Variants in STRBP observed in about 807,000 individuals in gnomAD.
STRBP encodes the protein spermatid perinuclear RNA binding protein, also known as spermatid perinuclear RNA-binding protein.
Under a neutral mutation model 80.1 loss-of-function variants are expected in STRBP, and 13 were observed. The observed-to-expected ratio is 0.16, with a 90% CI of 0.11 to 0.26. The LOEUF (loss-of-function observed/expected upper bound fraction) is 0.26, where lower values mean the gene tolerates loss of function less well. Among genes scored for constraint, STRBP ranks in the 10% least tolerant of loss-of-function variants. The pLI, the probability that STRBP is intolerant of heterozygous loss-of-function variation, is 1.00. For synonymous variants in STRBP, 284 were observed against 291.2 expected, an observed-to-expected ratio of 0.98 and a Z score of 0.25; for missense variants, 485 against 815.2, an observed-to-expected ratio of 0.59 and a Z score of 4.93.
At chr9:123,257,001 T>A (rs951564469) in intron 1 of STRBP, among the ~76,000 whole-genome samples, 1 of 152,040 alleles carries the variant, frequency 6.6e-6, no homozygotes, top group South Asian at 2.1e-4. Flanking sequence ...CACGTAACAT[T>A]GTCAAACTCA....
At chr9:123,231,062 T>C (rs774464234) in intron 2 of STRBP, among the ~76,000 whole-genome samples, 4 of 152,188 alleles carry the variant, frequency 2.6e-5, no homozygotes, top group Non-Finnish European at 4.4e-5. Flanking sequence ...TATAAGAAAA[T>C]GCACAGGGAG....
intron 1 of STRBP, among the ~76,000 whole-genome samples, chr9:123,250,974 T>G (rs1016713324): frequency 2.6e-5 from 4 of 152,074 alleles, no homozygotes; most frequent in Admixed American, 2.0e-4. Context: ...ACAAAAAATT[T>G]TTTTTTAATT....
In STRBP at chr9:123,126,326, G is replaced by A. The variant is rs1256722795; in HGVS notation, c.1943-653C>T. Among the ~76,000 whole-genome samples, 1 of 152,156 alleles carries A rather than the reference G, an allele frequency of 6.6e-6. No homozygotes were observed. The highest frequency in any genetic ancestry group is 1.5e-5 in the Non-Finnish European group (1 of 68,028). ...TTCAAGAGCACCAGATGATCAGAGG[G>A]AAATTACCCCACATGCAACAGCTTT... On this transcript the variant is annotated intron_variant, in intron 18 of 18. Transcript: ENST00000348403. The surrounding 1 kb of genome is among the most constrained non-coding windows in gnomAD (Gnocchi z 4.4).
At chr9:123,185,468 A>C (rs2038658792) in intron 2 of STRBP, among the ~76,000 whole-genome samples, 1 of 152,200 alleles carries the variant, frequency 6.6e-6, no homozygotes, top group African/African-American at 2.4e-5. Flanking sequence ...TATTACTCAT[A>C]TCGCATTAAG....
At chr9:123,155,805 A>C (rs2037258453) in intron 11 of STRBP, among the ~76,000 whole-genome samples, 1 of 152,204 alleles carries the variant, frequency 6.6e-6, no homozygotes, top group Admixed American at 6.5e-5. Context: ...CTGAGACATT[A>C]GTGTTGAAAA....
chr9:123,238,063 G>A (rs1408111468), intron 1 of STRBP, among the ~76,000 whole-genome samples: 2 of 152,236 alleles, frequency 1.3e-5, no homozygotes, highest in Non-Finnish European at 2.9e-5. Flanking sequence ...CTTAATTGTT[G>A]TGATGTTTAA....
At chr9:123,158,246 A>G in intron 10 of STRBP, 86 bp downstream of exon 10, 1 of 1,528,362 alleles carries the variant, frequency 6.5e-7, no homozygotes, top group Non-Finnish European at 9.0e-7. Flanking sequence ...CTAACAACAC[A>G]CAAGAAAAAA....
intron 1 of STRBP, among the ~76,000 whole-genome samples, chr9:123,253,755 A>G (rs928999443): frequency 2.6e-5 from 4 of 152,252 alleles, no homozygotes; most frequent in South Asian, 2.1e-4. Flanking sequence ...ATTAAATAGC[A>G]TAAGAAGGAT....
At chr9:123,140,626 C>CA (rs544721015) in intron 13 of STRBP, among the ~76,000 whole-genome samples, 40 of 150,356 alleles carry the variant, frequency 2.7e-4, no homozygotes, top group East Asian at 5.9e-4. Flanking sequence ...AACAAACAAA[C>CA]AAAAAAAAAC....
intron 13 of STRBP, among the ~76,000 whole-genome samples, chr9:123,144,443 A>G (rs1187494354): frequency 6.6e-6 from 1 of 152,158 alleles, no homozygotes; most frequent in Non-Finnish European, 1.5e-5. Flanking sequence ...AATCCCACTA[A>G]ATAGAATACT....
At chr9:123,149,578 CT>C (rs1472139110) in intron 11 of STRBP, among the ~76,000 whole-genome samples, 1 of 152,106 alleles carries the variant, frequency 6.6e-6, no homozygotes, top group African/African-American at 2.4e-5. Context: ...AAATGTGGGG[CT>C]AATCATAATA....
At position 123,125,670 on chromosome 9, in the gene STRBP, A is replaced by G; in HGVS notation, c.1946T>C (p.Leu649Ser). 1 of 1,611,536 alleles carries G rather than the reference A, an allele frequency of 6.2e-7. No homozygotes were observed. The change falls in exon 19 of 19, where the codon TTA becomes TCA. Residue 649 changes from leucine to serine, a missense_variant. By Grantham distance (145) the Leu-to-Ser change is moderately radical. Transcript: ENST00000348403. ...GGGTAACAGAACCATTCTCTTGGGT[A>G]AACCTACAGAGAAAAGAAACGGAGA... ...GYSTAAPAYG[L>S]PKRMVLLPVM...
chr9:123,238,238 A>G (rs1044747668), intron 1 of STRBP, among the ~76,000 whole-genome samples: 2 of 152,260 alleles, frequency 1.3e-5, no homozygotes, highest in Non-Finnish European at 2.9e-5. Flanking sequence ...GCTTGACGCC[A>G]GGAATTCAAG....
chr9:123,229,198 T>A (rs552782728), intron 2 of STRBP, among the ~76,000 whole-genome samples: 3 of 151,852 alleles, frequency 2.0e-5, no homozygotes, highest in East Asian at 3.9e-4. Context: ...AAACAGGGAG[T>A]GGCCACTAAG....
At chr9:123,252,453 A>C (rs1199194182) in intron 1 of STRBP, among the ~76,000 whole-genome samples, 1 of 152,244 alleles carries the variant, frequency 6.6e-6, no homozygotes, top group African/African-American at 2.4e-5. Context: ...TCTTCACAGT[A>C]CATTTCTGCT....
At chr9:123,264,341 T>C (rs981114469) in intron 1 of STRBP, among the ~76,000 whole-genome samples, 2 of 152,158 alleles carry the variant, frequency 1.3e-5, no homozygotes, top group Admixed American at 1.3e-4. Flanking sequence ...AGCTGAGAAA[T>C]TGGAAAGGTA....
intron 6 of STRBP, among the ~76,000 whole-genome samples, chr9:123,165,279 CAAA>C (rs568070749): frequency 3.9e-5 from 2 of 50,928 alleles, no homozygotes; most frequent in African/African-American, 6.4e-5. Flanking sequence ...GACTCCATCT[CAAA>C]AAAAAAAAAA....
intron 6 of STRBP, among the ~76,000 whole-genome samples, chr9:123,162,147 G>A (rs1395707018): frequency 6.6e-6 from 1 of 152,088 alleles, no homozygotes; most frequent in Non-Finnish European, 1.5e-5. Flanking sequence ...CTAAATGGGA[G>A]ACAATAACAA....
At chr9:123,129,040 TA>T (rs1250526599) in intron 17 of STRBP, among the ~76,000 whole-genome samples, 1 of 152,172 alleles carries the variant, frequency 6.6e-6, no homozygotes, top group Non-Finnish European at 1.5e-5. Context: ...TAAAACAGCT[TA>T]GATATAGGTA....
Sources: gnomAD v4.1 joint callset for allele counts (sites outside exome capture counted in the v4.1 genomes callset) on GRCh38, gnomAD v4.1.1 for gene constraint, Gnocchi (gnomAD v3.1) non-coding constraint, MANE v1.5 for transcripts, NCBI Gene and HGNC (gene_info 2026-07-23, HGNC 2026-07-21) for gene names.